The following ATF6 variants were observed in gnomAD, a reference collection of about 807,000 sequenced individuals.
ATF6 encodes the protein activating transcription factor 6.
Under a neutral mutation model 83.6 loss-of-function variants are expected in ATF6, and 53 were observed. The ratio of observed to expected loss-of-function variants is 0.63; its 90% CI spans 0.51 to 0.80. ATF6 has a LOEUF of 0.80. Ranked by LOEUF, ATF6 falls within the 30% of genes least tolerant of loss-of-function variation. ATF6 has a pLI of 0.00. For synonymous variants in ATF6, 288 were observed against 285.8 expected (o/e 1.01, Z -0.08); for missense variants, 744 against 797.9 (o/e 0.93, Z 0.81).
chr1:161,780,797 T>C (rs1276680432), intron 2 of ATF6, among the ~76,000 whole-genome samples: 1 of 152,042 alleles, frequency 6.6e-6, no homozygotes, highest in Admixed American at 6.6e-5. Flanking sequence ...GCAGCCTCCA[T>C]CTTTTGGACT....
At chr1:161,860,954 C>T (rs1052491424) in intron 13 of ATF6, among the ~76,000 whole-genome samples, 4 of 152,098 alleles carry the variant, frequency 2.6e-5, no homozygotes, top group African/African-American at 9.7e-5. Context: ...GCTTTATTTG[C>T]CCTGTTGGGC....
At chr1:161,846,678 T>A in intron 10 of ATF6, 98 bp downstream of exon 10, 1 of 1,266,326 alleles carries the variant, frequency 7.9e-7, no homozygotes. Context: ...ATTGTTCGTG[T>A]ATATTTTGAG....
At chr1:161,834,933 G>T (rs1686176068) in intron 9 of ATF6, among the ~76,000 whole-genome samples, 1 of 152,118 alleles carries the variant, frequency 6.6e-6, no homozygotes, top group Non-Finnish European at 1.5e-5. Flanking sequence ...CATAACTAAG[G>T]AATAAAGTAA....
intron 15 of ATF6, among the ~76,000 whole-genome samples, chr1:161,958,213 G>A (rs1689007200): frequency 6.6e-6 from 1 of 152,120 alleles, no homozygotes; most frequent in African/African-American, 2.4e-5. Context: ...TGCTTTAGCC[G>A]TTGTTTAGTC....
rs544624022 is a variant in ATF6 at position 161,788,321 on chromosome 1, T to C, written c.355-3087T>C. Among the ~76,000 whole-genome samples the C allele has an allele frequency of 3.3e-5, 5 of 152,356 alleles. No individual in the cohort carries two copies. The South Asian group carries it at 1.0e-3, about 32-fold the overall frequency. Reference sequence around the variant, plus strand: ...ATTTCTTTGGTTATTGTTTTCAACATTTATTTACATTCTTATGAGCTTTTT... The same window carrying C: ...ATTTCTTTGGTTATTGTTTTCAACACTTATTTACATTCTTATGAGCTTTTT... On this transcript the variant is annotated intron_variant, in intron 4 of 15. Transcript: ENST00000367942.
chr1:161,937,207 A>G (rs1688552031), intron 15 of ATF6, among the ~76,000 whole-genome samples: 1 of 151,920 alleles, frequency 6.6e-6, no homozygotes, highest in Non-Finnish European at 1.5e-5. Context: ...AGGTGTGGTG[A>G]GGCATGCCTG....
intron 15 of ATF6, among the ~76,000 whole-genome samples, chr1:161,947,142 A>G (rs1688762703): frequency 6.6e-6 from 1 of 152,246 alleles, no homozygotes; most frequent in African/African-American, 2.4e-5. Flanking sequence ...AAGGGAGGCT[A>G]TGGGAACGAT....
At chr1:161,778,158 T>C (rs1684560214) in intron 1 of ATF6, 86 bp from the exon 2 acceptor site, 2 of 1,037,720 alleles carry the variant, frequency 1.9e-6, no homozygotes, top group Non-Finnish European at 1.5e-6. Context: ...GAAACCTTAA[T>C]AGAGGTGACA....
intron 14 of ATF6, among the ~76,000 whole-genome samples, chr1:161,899,017 T>C (rs951423704): frequency 1.3e-5 from 2 of 152,182 alleles, no homozygotes; most frequent in Non-Finnish European, 2.9e-5. Flanking sequence ...GAAAATCGTT[T>C]CTCCCCTTTC....
chr1:161,848,985 A>C (rs1320226659), intron 10 of ATF6, among the ~76,000 whole-genome samples: 1 of 151,270 alleles, frequency 6.6e-6, no homozygotes, highest in East Asian at 1.9e-4. Flanking sequence ...AAAGCCAGTT[A>C]GCACAGATGT....
At chr1:161,892,030 C>T (rs935195862) in intron 14 of ATF6, 2 of 152,178 alleles carry the variant, frequency 1.3e-5, no homozygotes, top group Non-Finnish European at 1.5e-5. Context: ...GAAGTTTTTC[C>T]TAAAGTTCTG....
intron 4 of ATF6, among the ~76,000 whole-genome samples, chr1:161,787,412 C>T (rs1248717380): frequency 6.6e-6 from 1 of 152,172 alleles, no homozygotes; most frequent in Non-Finnish European, 1.5e-5. Flanking sequence ...TCCCTTCACA[C>T]CAGCTCTTAT....
At chr1:161,860,055 A>G (rs1453692282) in intron 12 of ATF6, 152 bp from the exon 13 acceptor site, 2 of 442,996 alleles carry the variant, frequency 4.5e-6, no homozygotes, top group African/African-American at 4.0e-5. Context: ...AAGAGTTCTA[A>G]TATCTGTCAG....
At chr1:161,860,384 G>A in intron 13 of ATF6, 107 bp downstream of exon 13, 1 of 513,972 alleles carries the variant, frequency 1.9e-6, no homozygotes, top group East Asian at 3.7e-5. Context: ...TCATCTATGA[G>A]TTTTATATTA....
intron 4 of ATF6, among the ~76,000 whole-genome samples, chr1:161,786,290 A>G (rs531276514): frequency 2.4e-4 from 36 of 152,126 alleles, no homozygotes; most frequent in African/African-American, 8.7e-4. Flanking sequence ...CCGGCCGTTC[A>G]TTTTTTAATT....
chr1:161,822,392 G>C (rs970661901), intron 9 of ATF6, among the ~76,000 whole-genome samples: 1 of 152,182 alleles, frequency 6.6e-6, no homozygotes, highest in Non-Finnish European at 1.5e-5. Flanking sequence ...ATCACATGCT[G>C]CTGAGAGCTT....
chr1:161,913,148 A>T (rs1465087461), intron 15 of ATF6, among the ~76,000 whole-genome samples: 1 of 152,156 alleles, frequency 6.6e-6, no homozygotes, highest in Non-Finnish European at 1.5e-5. Context: ...CTGACACATT[A>T]TATTGAAAAT....
chr1:161,809,272 C>T (rs145354519), intron 7 of ATF6, among the ~76,000 whole-genome samples: 23 of 152,094 alleles, frequency 1.5e-4, no homozygotes, highest in Non-Finnish European at 1.8e-4. Context: ...TCAATTCCCA[C>T]CTATGAGTGA....
At chr1:161,790,363 T>C (rs982176034) in intron 4 of ATF6, among the ~76,000 whole-genome samples, 1 of 152,216 alleles carries the variant, frequency 6.6e-6, no homozygotes, top group African/African-American at 2.4e-5. Context: ...ATGCATGCCA[T>C]CTTTTCTGTC....
Sources: allele counts gnomAD v4.1 joint callset (sites outside exome capture counted in the v4.1 genomes callset), GRCh38; gene constraint gnomAD v4.1.1; transcripts MANE v1.5; gene names NCBI Gene and HGNC (gene_info 2026-07-23, HGNC 2026-07-21).